The following CDK14 variants were observed in gnomAD, a reference collection of about 807,000 sequenced individuals.
CDK14 encodes cyclin dependent kinase 14.
Under a neutral mutation model 60.7 loss-of-function variants are expected in CDK14, and 34 were observed. The observed-to-expected ratio is 0.56, with a 90% confidence interval of 0.43 to 0.75. The LOEUF is 0.75. CDK14 is among the 30% of genes least tolerant of loss of function. CDK14 has a pLI of 0.00. For synonymous variants in CDK14, 197 were observed against 203.7 expected, an observed-to-expected ratio of 0.97 and a Z score of 0.28; for missense variants, 482 against 564.1, an observed-to-expected ratio of 0.85 and a Z score of 1.47.
At chr7:90,762,914 G>A (rs955123897) in intron 4 of CDK14, among the ~76,000 whole-genome samples, 4 of 152,120 alleles carry the variant, frequency 2.6e-5, no homozygotes, top group Admixed American at 1.3e-4. Context: ...GCTTGAACCC[G>A]GAGGCAGAGG....
At chr7:91,062,287 G>A (rs550649064) in intron 11 of CDK14, among the ~76,000 whole-genome samples, 2 of 152,132 alleles carry the variant, frequency 1.3e-5, no homozygotes, top group Non-Finnish European at 2.9e-5. Context: ...GATTTTCCAG[G>A]TGCTGTCTGT....
At chr7:90,715,939 G>A (rs924726482) in intron 2 of CDK14, among the ~76,000 whole-genome samples, 1 of 151,540 alleles carries the variant, frequency 6.6e-6, no homozygotes, top group South Asian at 2.1e-4. Flanking sequence ...TTGTTGAGGG[G>A]TGGGGGGAAT....
intron 4 of CDK14, among the ~76,000 whole-genome samples, chr7:90,779,972 A>T (rs1209978537): frequency 6.6e-6 from 1 of 152,126 alleles, no homozygotes; most frequent in Admixed American, 6.5e-5. Context: ...TTCCCCTTGA[A>T]GTTGATTTGT....
chr7:91,004,495 G>A (rs1427513967), intron 10 of CDK14, among the ~76,000 whole-genome samples: 1 of 152,196 alleles, frequency 6.6e-6, no homozygotes, highest in East Asian at 1.9e-4. Context: ...TTTCTTTTAA[G>A]CCTAAAGGTG....
chr7:90,630,694 T>C (rs1799975647), intron 2 of CDK14, among the ~76,000 whole-genome samples: 1 of 152,236 alleles, frequency 6.6e-6, no homozygotes, highest in Non-Finnish European at 1.5e-5. Context: ...GATGGTTATG[T>C]ATATGTGTGT....
At chr7:90,795,906 A>G (rs1788407978) in intron 5 of CDK14, among the ~76,000 whole-genome samples, 1 of 152,188 alleles carries the variant, frequency 6.6e-6, no homozygotes, top group African/African-American at 2.4e-5. Context: ...AAGCAGGCCC[A>G]TCAGTGGGAG....
chr7:90,728,451 C>A (rs923563742), intron 3 of CDK14, among the ~76,000 whole-genome samples: 2 of 151,082 alleles, frequency 1.3e-5, no homozygotes, highest in African/African-American at 4.9e-5. Flanking sequence ...ATTTTTAACC[C>A]TTCAATTGGA....
intron 3 of CDK14, among the ~76,000 whole-genome samples, chr7:90,738,344 G>A (rs1435369171): frequency 6.6e-6 from 1 of 152,102 alleles, no homozygotes; most frequent in South Asian, 2.1e-4. Context: ...TTAGCTTAAG[G>A]TCTGATACAT....
At chr7:90,900,513 C>T (rs1300769718) in intron 7 of CDK14, among the ~76,000 whole-genome samples, 1 of 152,078 alleles carries the variant, frequency 6.6e-6, no homozygotes, top group African/African-American at 2.4e-5. Context: ...ATAACATGAA[C>T]ATAATTTTTT....
intron 1 of CDK14, among the ~76,000 whole-genome samples, chr7:90,599,483 C>T (rs1401161840): frequency 1.3e-5 from 2 of 152,146 alleles, no homozygotes; most frequent in Admixed American, 1.3e-4. Context: ...GAGTCCTCAT[C>T]TGTAAATATT....
chr7:90,653,236 G>A (rs1800682565), intron 2 of CDK14, among the ~76,000 whole-genome samples: 2 of 151,910 alleles, frequency 1.3e-5, no homozygotes, highest in South Asian at 2.1e-4. Context: ...CCTCCTTTGA[G>A]CACCCAGATT....
Position 91,207,806 on chromosome 7 carries a change from T to C in CDK14, c.*670T>C, listed in dbSNP as rs1802949551. On this transcript the variant is annotated 3_prime_UTR_variant, in exon 15 of 15. Coordinates refer to ENST00000380050, the MANE Select transcript of CDK14 (RefSeq NM_001287135.2). Reference sequence around the variant, plus strand: ...CTCTGCTTAGCATTTTCAAGCCACATAGCATGACTGTTTTTTGAATAGGTT... The same window carrying C: ...CTCTGCTTAGCATTTTCAAGCCACACAGCATGACTGTTTTTTGAATAGGTT... The C allele has an allele frequency of 6.6e-6, 1 of 152,656 alleles. No individual in the cohort carries two copies. Among genetic ancestry groups the C allele is most frequent in the South Asian group, 2.1e-4 (1 of 4,832 alleles). The allele number at this position is 152,656 out of a possible 1,614,324, so 9.5% of individuals were successfully genotyped here.
At chr7:90,612,772 A>C (rs1243069738) in intron 2 of CDK14, among the ~76,000 whole-genome samples, 1 of 17,394 alleles carries the variant, frequency 5.7e-5, no homozygotes. Context: ...ACTCTGTCTC[A>C]AAAAAAAAAA....
chr7:91,148,480 C>T (rs1203826670), intron 14 of CDK14, among the ~76,000 whole-genome samples: 1 of 152,168 alleles, frequency 6.6e-6, no homozygotes, highest in Non-Finnish European at 1.5e-5. Flanking sequence ...CGGTAGCTTC[C>T]TGGGTGGGTA....
chr7:90,892,238 C>T (rs914539068), intron 6 of CDK14, among the ~76,000 whole-genome samples: 1 of 150,058 alleles, frequency 6.7e-6, no homozygotes, highest in Non-Finnish European at 1.5e-5. Context: ...TGTTTTCTAG[C>T]TTGTTTTTTA....
At chr7:90,642,398 T>TATA (rs1800359609) in intron 2 of CDK14, among the ~76,000 whole-genome samples, 1 of 152,202 alleles carries the variant, frequency 6.6e-6, no homozygotes, top group Non-Finnish European at 1.5e-5. Context: ...TTTCCCCCTA[T>TATA]ATAAGTACTT....
At chr7:90,821,287 A>G (rs1380365443) in intron 5 of CDK14, among the ~76,000 whole-genome samples, 2 of 152,196 alleles carry the variant, frequency 1.3e-5, no homozygotes, top group Non-Finnish European at 2.9e-5. Context: ...GTTGACCCAC[A>G]TGAAGTTGTA....
chr7:90,877,330 A>C (rs768672467), intron 6 of CDK14, among the ~76,000 whole-genome samples: 94 of 152,226 alleles, frequency 6.2e-4, no homozygotes, highest in Non-Finnish European at 7.6e-4. Flanking sequence ...TCTAGTGAGT[A>C]ATTTACTCCT....
At chr7:90,801,466 AAGTT>A (rs1788628558) in intron 5 of CDK14, among the ~76,000 whole-genome samples, 1 of 152,194 alleles carries the variant, frequency 6.6e-6, no homozygotes, top group African/African-American at 2.4e-5. Flanking sequence ...TACATCTGTC[AAGTT>A]AGTGAGTATG....
Sources: allele counts gnomAD v4.1 joint callset (sites outside exome capture counted in the v4.1 genomes callset), GRCh38; gene constraint gnomAD v4.1.1; transcripts MANE v1.5; gene names NCBI Gene and HGNC (gene_info 2026-07-23, HGNC 2026-07-21).